Variants in GPX1 observed in about 807,000 individuals in gnomAD.
GPX1 encodes the protein glutathione peroxidase 1, also known as GSHPx-1.
In GPX1, 8 loss-of-function variants were observed where a neutral mutation model predicts 11.5. The observed-to-expected ratio is 0.70, with a 90% CI of 0.41 to 1.25. The LOEUF (loss-of-function observed/expected upper bound fraction) is 1.25, where lower values mean the gene tolerates loss of function less well. GPX1 is among the 50% of genes most tolerant of loss of function. GPX1 has a pLI of 0.01. For synonymous variants in GPX1, 142 were observed against 127.8 expected (o/e 1.11, Z -0.75); for missense variants, 266 against 284.3 (o/e 0.94, Z 0.46).
rs1026813486 is a variant in GPX1 at position 49,358,298 on chromosome 3, C to A, written c.-20G>T. 9.2e-6 allele frequency: 14 copies of A among 1,529,556 alleles called. No individual in the cohort carries two copies. Among genetic ancestry groups the A allele is most frequent in the South Asian group, 1.2e-5 (1 of 82,032 alleles). 94.7% of individuals were successfully genotyped at this position (1,529,556 alleles called of 1,614,324 possible). ...ACACATGGCGCAATTGTCCAAGAAG[C>A]CAGCGGAGCGCCCCGAACAAGCACT... On this transcript the variant is annotated 5_prime_UTR_variant, in exon 1 of 2. Transcript: ENST00000419783.
chr3:49,358,090 C>T lies in GPX1; in HGVS notation c.189G>A (p.Gln63=). Residue 63 remains glutamine (Q), a synonymous_variant, in exon 1 of 2, where the codon CAG becomes CAA. Coordinates refer to ENST00000419783, the MANE Select transcript of GPX1 (RefSeq NM_000581.4). ...CCAGGCCCCGGGGTCCGAGGCGCCG[C>T]TGCAGCTCGTTCATCTGGGTGTAGT... ...VRDYTQMNEL[Q]RRLGPRGLVV... 1 of 1,611,372 alleles carries T rather than the reference C, an allele frequency of 6.2e-7. No individual in the cohort carries two copies. The highest frequency in any genetic ancestry group is 8.5e-7 in the Non-Finnish European group (1 of 1,179,556).
At position 49,358,342 on chromosome 3, in the gene GPX1, GCGC is replaced by G; in HGVS notation, c.-67_-65del. 12 of 1,463,524 alleles carry G rather than the reference GCGC, an allele frequency of 8.2e-6. No homozygotes were observed. The highest frequency in any genetic ancestry group is 1.1e-5 in the Non-Finnish European group (12 of 1,103,500). The allele number at this position is 1,463,524 out of a possible 1,614,324, so 90.7% of individuals were successfully genotyped here. A position where few individuals can be genotyped will look rare whatever the true frequency, so the allele number is the denominator to read the frequency against. ...AAGCACTGTAAGGGGAGGCCAGCAG[GCGC>G]CTCCTTTTAACTGGCCGGCGGCGGG... On this transcript the variant is annotated 5_prime_UTR_variant, in exon 1 of 2. Transcript: ENST00000419783.
At position 49,358,302 on chromosome 3, in the gene GPX1, C is replaced by A. The variant is rs952620890; in HGVS notation, c.-24G>T. The A allele has an allele frequency of 3.5e-5, 53 of 1,527,374 alleles. No individual in the cohort carries two copies. The African/African-American group carries it at 5.7e-4, about 16-fold the overall frequency. 94.6% of individuals were successfully genotyped at this position (1,527,374 alleles called of 1,614,324 possible). The stretch of plus-strand genomic sequence containing the variant: ...ATGGCGCAATTGTCCAAGAAGCCAG[C>A]GGAGCGCCCCGAACAAGCACTGTAA... On this transcript the variant is annotated 5_prime_UTR_variant, in exon 1 of 2. Coordinates refer to ENST00000419783, the MANE Select transcript of GPX1 (RefSeq NM_000581.4).
Position 49,357,281 on chromosome 3 carries a change from A to T in GPX1, c.*107T>A, listed in dbSNP as rs2047854772. 9.1e-7 allele frequency: 1 copy of T among 1,094,668 alleles called. No homozygotes were observed. The highest frequency in any genetic ancestry group is 1.5e-5 in the South Asian group (1 of 66,682). 67.8% of individuals were successfully genotyped at this position (1,094,668 alleles called of 1,614,324 possible). On this transcript the variant is annotated 3_prime_UTR_variant, in exon 2 of 2. Coordinates refer to ENST00000419783, the MANE Select transcript of GPX1 (RefSeq NM_000581.4). ...ATCTCGAGGTGGTATTTTCTGTAAGATCAGGTGTTCCTCCCTCGTAGGTTT... is the reference window on the plus strand; with the variant it reads ...ATCTCGAGGTGGTATTTTCTGTAAGTTCAGGTGTTCCTCCCTCGTAGGTTT...
In GPX1 at chr3:49,358,289, T is replaced by G. The variant is rs747129640; in HGVS notation, c.-11A>C. Reference sequence around the variant, plus strand: ...CCGAGCAGCACACATGGCGCAATTGTCCAAGAAGCCAGCGGAGCGCCCCGA... The same window carrying G: ...CCGAGCAGCACACATGGCGCAATTGGCCAAGAAGCCAGCGGAGCGCCCCGA... On this transcript the variant is annotated 5_prime_UTR_variant, in exon 1 of 2. Transcript: ENST00000419783. The G allele has an allele frequency of 6.5e-7, 1 of 1,532,618 alleles. No individual in the cohort carries two copies. Among genetic ancestry groups the G allele is most frequent in the Non-Finnish European group, 8.8e-7 (1 of 1,137,204 alleles). The allele number at this position is 1,532,618 out of a possible 1,614,324, so 94.9% of individuals were successfully genotyped here.
chr3:49,357,300 T>G lies in GPX1; in HGVS notation c.*88A>C. ...TGTAAGATCAGGTGTTCCTCCCTCG[T>G]AGGTTTAGAGGAAACACCCTCATAG... On this transcript the variant is annotated 3_prime_UTR_variant, in exon 2 of 2. Coordinates refer to ENST00000419783, the MANE Select transcript of GPX1 (RefSeq NM_000581.4). 7.9e-7 allele frequency: 1 copy of G among 1,267,526 alleles called. No homozygotes were observed. The highest frequency in any genetic ancestry group is 1.1e-6 in the Non-Finnish European group (1 of 900,790). The allele number at this position is 1,267,526 out of a possible 1,614,324, so 78.5% of individuals were successfully genotyped here. A position where few individuals can be genotyped will look rare whatever the true frequency, so the allele number is the denominator to read the frequency against.
Position 49,358,011 on chromosome 3 carries a change from G to A in GPX1, c.252+16C>T. 6.2e-7 allele frequency: 1 copy of A among 1,603,100 alleles called. No individual in the cohort carries two copies. The highest frequency in any genetic ancestry group is 1.1e-5 in the South Asian group (1 of 90,318). ...TGCACGTCCGCCCCCGCCCCGCCCCGCTCCGCCCGGCGCACCTGATGCCCA... is the reference window on the plus strand; with the variant it reads ...TGCACGTCCGCCCCCGCCCCGCCCCACTCCGCCCGGCGCACCTGATGCCCA... On this transcript the variant is annotated intron_variant, in intron 1 of 1. Transcript: ENST00000419783.
At chr3:49,357,885 G>A in intron 1 of GPX1, 138 bp from the exon 2 acceptor site, 1 of 1,511,694 alleles carries the variant, frequency 6.6e-7, no homozygotes, top group Non-Finnish European at 8.8e-7. Context: ...AGGAATTTCA[G>A]CAGCTACGAG....
Position 49,357,286 on chromosome 3 carries a change from G to T in GPX1, c.*102C>A. On this transcript the variant is annotated 3_prime_UTR_variant, in exon 2 of 2. Transcript: ENST00000419783. ...GAGGTGGTATTTTCTGTAAGATCAG[G>T]TGTTCCTCCCTCGTAGGTTTAGAGG... 1 of 1,131,386 alleles carries T rather than the reference G, an allele frequency of 8.8e-7. No individual in the cohort carries two copies. Among genetic ancestry groups the T allele is most frequent in the Non-Finnish European group, 1.3e-6 (1 of 783,638 alleles). 70.1% of individuals were successfully genotyped at this position (1,131,386 alleles called of 1,614,324 possible).
Position 49,357,311 on chromosome 3 carries a change from G to A in GPX1, c.*77C>T, listed in dbSNP as rs1050903671. Reference sequence around the variant, plus strand: ...GTGTTCCTCCCTCGTAGGTTTAGAGGAAACACCCTCATAGATGAAAACCCC... The same window carrying A: ...GTGTTCCTCCCTCGTAGGTTTAGAGAAAACACCCTCATAGATGAAAACCCC... On this transcript the variant is annotated 3_prime_UTR_variant, in exon 2 of 2. Coordinates refer to ENST00000419783, the MANE Select transcript of GPX1 (RefSeq NM_000581.4). 3 of 1,408,068 alleles carry A rather than the reference G, an allele frequency of 2.1e-6. 1 individual carries two copies. In the Admixed American group the frequency reaches 6.0e-5, roughly 28 times the overall value. 87.2% of individuals were successfully genotyped at this position (1,408,068 alleles called of 1,614,324 possible). A position where few individuals can be genotyped will look rare whatever the true frequency, so the allele number is the denominator to read the frequency against.
intron 1 of GPX1, 23 bp downstream of exon 1, chr3:49,358,004 C>G (rs1219628340): frequency 3.1e-6 from 5 of 1,595,852 alleles, no homozygotes; most frequent in Non-Finnish European, 1.7e-6. Context: ...CGCCCCCGCC[C>G]CGCCCCGCTC....
chr3:49,357,951 C>CCCACCAGCACACCGCCGGCG (rs1235478650), intron 1 of GPX1, 76 bp downstream of exon 1: 6 of 1,515,150 alleles, frequency 4.0e-6, no homozygotes, highest in Non-Finnish European at 5.3e-6. Flanking sequence ...GCCGACGGCA[C>CCCACCAGCACACCGCCGGCG]CCACCAGCAC....
In GPX1 at chr3:49,357,220, G is replaced by A; in HGVS notation, c.*168C>T. On this transcript the variant is annotated 3_prime_UTR_variant, in exon 2 of 2. Coordinates refer to ENST00000419783, the MANE Select transcript of GPX1 (RefSeq NM_000581.4). ...TTTATTAGTGGGGAAACTCGCCTTGGTCTGGCAGAGACTGGGATCAACAGG... is the reference window on the plus strand; with the variant it reads ...TTTATTAGTGGGGAAACTCGCCTTGATCTGGCAGAGACTGGGATCAACAGG... The A allele has an allele frequency of 1.5e-6, 1 of 664,672 alleles. No individual in the cohort carries two copies. The allele number at this position is 664,672 out of a possible 1,614,324, so 41.2% of individuals were successfully genotyped here.
chr3:49,357,998 C>T (rs1257813023), intron 1 of GPX1, 29 bp downstream of exon 1: 1 of 1,577,022 alleles, frequency 6.3e-7, no homozygotes, highest in Non-Finnish European at 8.6e-7. Flanking sequence ...CACGTCCGCC[C>T]CCGCCCCGCC....
rs781390722 is a variant in GPX1 at position 49,358,020 on chromosome 3, G to A, written c.252+7C>T. On this transcript the variant is annotated splice_region_variant and intron_variant, in intron 1 of 1. Transcript: ENST00000419783. ...GCCCCCGCCCCGCCCCGCTCCGCCC[G>A]GCGCACCTGATGCCCAAACTGGTTG... 30 of 1,606,716 alleles carry A rather than the reference G, an allele frequency of 1.9e-5. 1 individual carries two copies. The highest frequency in any genetic ancestry group is 3.3e-5 in the South Asian group (3 of 90,656).
In GPX1 at chr3:49,358,127, G is replaced by C. The variant is rs1207819543; in HGVS notation, c.152C>G (p.Thr51Ser). 3.1e-6 allele frequency: 5 copies of C among 1,610,164 alleles called. No homozygotes were observed. The South Asian group carries it at 3.3e-5, about 11-fold the overall frequency. The change falls in exon 1 of 2, where the codon ACC (threonine) becomes AGC (serine). Residue 51 changes from threonine (T) to serine (S), a missense_variant. Physicochemically the swap from Thr to Ser is moderately conservative, Grantham distance 58. Transcript: ENST00000419783. ...LIENVASLUGTTVRDYTQMNE... is the reference protein window; with the variant it reads ...LIENVASLUGSTVRDYTQMNE... ...CATCTGGGTGTAGTCCCGGACCGTGGTGCCTCAGAGGGACGCCACATTCTC... is the reference window on the plus strand; with the variant it reads ...CATCTGGGTGTAGTCCCGGACCGTGCTGCCTCAGAGGGACGCCACATTCTC...
Position 49,357,611 on chromosome 3 carries a change from C to A in GPX1, c.389G>T (p.Arg130Leu). The A allele has an allele frequency of 6.2e-7, 1 of 1,613,246 alleles. No individual in the cohort carries two copies. Among genetic ancestry groups the A allele is most frequent in the Non-Finnish European group, 8.5e-7 (1 of 1,179,916 alleles). Reference protein sequence around the residue: ...AGAHPLFAFLREALPAPSDDA... With the variant: ...AGAHPLFAFLLEALPAPSDDA... Reference sequence around the variant, plus strand: ...GTCGCTGGGAGCTGGCAGGGCCTCCCGCAGGAAGGCGAAGAGAGGGTGCGC... The same window carrying A: ...GTCGCTGGGAGCTGGCAGGGCCTCCAGCAGGAAGGCGAAGAGAGGGTGCGC... The change falls in exon 2 of 2, where the codon CGG becomes CTG. Residue 130 changes from arginine to leucine, a missense_variant. Transcript: ENST00000419783.
chr3:49,357,770 G>A (rs762964929), intron 1 of GPX1, 23 bp from the exon 2 acceptor site: 1 of 1,588,608 alleles, frequency 6.3e-7, no homozygotes, highest in Non-Finnish European at 8.6e-7. Context: ...AGGGCAGCTA[G>A]AACCCGGGGT....
At chr3:49,357,935 C>T in intron 1 of GPX1, 92 bp downstream of exon 1, 2 of 1,504,818 alleles carry the variant, frequency 1.3e-6, no homozygotes, top group Non-Finnish European at 1.8e-6. Flanking sequence ...ACTCTCCGCG[C>T]ATGGAGCCGA....
Sources: allele counts gnomAD v4.1 joint callset, GRCh38; gene constraint gnomAD v4.1.1; transcripts MANE v1.5; gene names NCBI Gene and HGNC (gene_info 2026-07-23, HGNC 2026-07-21).